PDE5A: variants seen among roughly 807,000 people sequenced by gnomAD.
The protein encoded by PDE5A is phosphodiesterase 5A.
PDE5A carries 67 observed loss-of-function variants against 110.2 expected under a neutral mutation model. The ratio of observed to expected loss-of-function variants is 0.61; its 90% CI spans 0.50 to 0.75. The LOEUF is 0.75. PDE5A is among the 30% of genes least tolerant of loss of function. The pLI, the probability that PDE5A is intolerant of heterozygous loss-of-function variation, is 0.00. For synonymous variants in PDE5A, 328 were observed against 351.2 expected, an observed-to-expected ratio of 0.93 and a Z score of 0.74; for missense variants, 862 against 1,045.1, an observed-to-expected ratio of 0.82 and a Z score of 2.42.
chr4:119,521,163 G>T lies in PDE5A; in HGVS notation c.1780-103C>A, dbSNP rs553065742. 5 of 1,145,412 alleles carry T rather than the reference G, an allele frequency of 4.4e-6. No homozygotes were observed. The African/African-American group carries it at 6.3e-5, about 14-fold the overall frequency. The allele number at this position is 1,145,412 out of a possible 1,614,324, so 71.0% of individuals were successfully genotyped here. The stretch of plus-strand genomic sequence containing the variant: ...GCATTCACATTTAGCCTGATACTCC[G>T]ATTTGGATCATCTTACAGACAAGAA... On this transcript the variant is annotated intron_variant, in intron 12 of 20. Transcript: ENST00000354960.
chr4:119,544,214 T>C (rs1312542951), intron 9 of PDE5A, among the ~76,000 whole-genome samples: 2 of 152,346 alleles, frequency 1.3e-5, no homozygotes, highest in African/African-American at 4.8e-5. Context: ...CTATAAATGA[T>C]CTGGACTCTC....
At chr4:119,526,746 AC>A (rs1200799101) in intron 11 of PDE5A, among the ~76,000 whole-genome samples, 4 of 152,158 alleles carry the variant, frequency 2.6e-5, no homozygotes, top group Non-Finnish European at 4.4e-5. Flanking sequence ...AGGCACTTGC[AC>A]ATTCTCCTTT....
intron 3 of PDE5A, among the ~76,000 whole-genome samples, chr4:119,594,987 G>A (rs1349419944): frequency 3.3e-5 from 5 of 152,108 alleles, no homozygotes; most frequent in Non-Finnish European, 7.4e-5. Context: ...TGTGTTTTAG[G>A]CAAATTTCCA....
chr4:119,505,801 G>T, intron 17 of PDE5A, 54 bp downstream of exon 17: 1 of 1,028,762 alleles, frequency 9.7e-7, no homozygotes, highest in South Asian at 1.5e-5. Context: ...AAAAAATAGT[G>T]AGAAAATTAA....
At chr4:119,554,274 CTT>C (rs1402223150) in intron 7 of PDE5A, among the ~76,000 whole-genome samples, 7 of 152,124 alleles carry the variant, frequency 4.6e-5, no homozygotes, top group Non-Finnish European at 1.0e-4. Flanking sequence ...TCCTTAGCAT[CTT>C]TCCCTTTGTT....
intron 20 of PDE5A, chr4:119,499,800 A>C (rs1364597951): frequency 6.6e-6 from 1 of 152,098 alleles, no homozygotes; most frequent in Non-Finnish European, 1.5e-5. Context: ...CAAGTGATCA[A>C]CCTGCCTCTG....
chr4:119,542,132 G>A (rs1417011985), intron 10 of PDE5A: 1 of 202,996 alleles, frequency 4.9e-6, no homozygotes, highest in African/African-American at 2.3e-5. Context: ...TCAGGCAATG[G>A]GAAAGAGACA....
chr4:119,515,401 A>G (rs1420081681), intron 14 of PDE5A, among the ~76,000 whole-genome samples: 1 of 152,192 alleles, frequency 6.6e-6, no homozygotes, highest in Non-Finnish European at 1.5e-5. Context: ...AAGTTCTCCC[A>G]GGACAAATAT....
chr4:119,549,424 C>T lies in PDE5A; in HGVS notation c.1396+3126G>A, dbSNP rs543594978. On this transcript the variant is annotated intron_variant, in intron 9 of 20. Transcript: ENST00000354960. ...ACATGAGAAGGGATTAAGATAGTAACCAGTTGACAAATACATATTTCTTTC... is the reference window on the plus strand; with the variant it reads ...ACATGAGAAGGGATTAAGATAGTAATCAGTTGACAAATACATATTTCTTTC... 2.0e-5 allele frequency: 3 copies of T among 152,292 alleles called. No homozygotes were observed. The South Asian group carries it at 6.2e-4, about 32-fold the overall frequency. The allele number at this position is 152,292 out of a possible 1,614,324, so 9.4% of individuals were successfully genotyped here.
Position 119,498,525 on chromosome 4 carries a change from G to T in PDE5A, c.*76C>A. ...ATATACCAAATACAGACACTATACA[G>T]ACAGTGTGTAAGAAACTAGGCATAT... On this transcript the variant is annotated 3_prime_UTR_variant, in exon 21 of 21. Transcript: ENST00000354960. The T allele has an allele frequency of 6.7e-7, 1 of 1,500,262 alleles. No individual in the cohort carries two copies. The highest frequency in any genetic ancestry group is 9.2e-7 in the Non-Finnish European group (1 of 1,083,168). The allele number at this position is 1,500,262 out of a possible 1,614,324, so 92.9% of individuals were successfully genotyped here.
rs140793774 is a variant in PDE5A at position 119,511,390 on chromosome 4, T to C, written c.2001-256A>G. Among the ~76,000 whole-genome samples the C allele has an allele frequency of 4.6e-3, 696 of 152,172 alleles. 5 individuals carry two copies. The highest frequency in any genetic ancestry group is 0.017 in the Middle Eastern group (5 of 294). On this transcript the variant is annotated intron_variant, in intron 14 of 20. Transcript: ENST00000354960. Reference sequence around the variant, plus strand: ...ACAATTTCATTGGTTTTAATACTGATTAAAATAGAAGTAAGGAGTAAAGAC... The same window carrying C: ...ACAATTTCATTGGTTTTAATACTGACTAAAATAGAAGTAAGGAGTAAAGAC...
intron 3 of PDE5A, among the ~76,000 whole-genome samples, chr4:119,567,686 A>C (rs1426878175): frequency 2.6e-5 from 4 of 152,158 alleles, no homozygotes; most frequent in Non-Finnish European, 5.9e-5. Context: ...GCCCTTGAAA[A>C]TTATTTTACC....
At chr4:119,597,380 A>G (rs1578812292) in intron 2 of PDE5A, among the ~76,000 whole-genome samples, 1 of 151,954 alleles carries the variant, frequency 6.6e-6, no homozygotes, top group Admixed American at 6.6e-5. Context: ...CGTTAAATCA[A>G]TGAAGGAATT....
In PDE5A at chr4:119,628,551, T is replaced by A. The variant is rs775709114; in HGVS notation, c.121A>T (p.Thr41Ser). The change falls in exon 1 of 21, where the codon ACC (threonine) becomes TCC (serine). Residue 41 changes from threonine to serine, a missense_variant. Thr to Ser is a moderately conservative substitution (Grantham distance 58). Coordinates refer to ENST00000354960, the MANE Select transcript of PDE5A (RefSeq NM_001083.4). ...EAWLDDHWDF[T>S]FSYFVRKATR... ...GCTTTTCTAACAAAGTATGAGAAGG[T>A]AAAGTCCCAGTGATCGTCCAGCCAT... 3.1e-5 allele frequency: 50 copies of A among 1,601,126 alleles called. No individual in the cohort carries two copies. The highest frequency in any genetic ancestry group is 4.0e-5 in the African/African-American group (3 of 74,656).
At chr4:119,557,443 T>C (rs1217524902) in intron 7 of PDE5A, among the ~76,000 whole-genome samples, 2 of 152,182 alleles carry the variant, frequency 1.3e-5, no homozygotes, top group East Asian at 3.9e-4. Flanking sequence ...CTAAGGCTTT[T>C]TGTACAATGT....
chr4:119,503,333 C>T (rs1234193966), intron 18 of PDE5A, among the ~76,000 whole-genome samples: 1 of 152,132 alleles, frequency 6.6e-6, no homozygotes, highest in African/African-American at 2.4e-5. Context: ...ATCACTTTTT[C>T]TGAGCCTGTA....
At chr4:119,540,741 T>A (rs1158543912) in intron 10 of PDE5A, among the ~76,000 whole-genome samples, 1 of 152,216 alleles carries the variant, frequency 6.6e-6, no homozygotes, top group African/African-American at 2.4e-5. Context: ...ATTATTTTAT[T>A]GTTATTAGAA....
chr4:119,510,465 C>T (rs1340705118), intron 15 of PDE5A, among the ~76,000 whole-genome samples: 2 of 151,738 alleles, frequency 1.3e-5, no homozygotes, highest in Non-Finnish European at 1.5e-5. Context: ...AACAACCATC[C>T]CCCCCAAACA....
chr4:119,628,411 C>T lies in PDE5A; in HGVS notation c.152+109G>A. ...TTGAGGTTTCTACCTCGTAACAGGA[C>T]CGAGGACCTACTTCAAAAGCAAAGG... On this transcript the variant is annotated intron_variant, in intron 1 of 20. Transcript: ENST00000354960. The T allele has an allele frequency of 3.5e-6, 3 of 863,114 alleles. No homozygotes were observed. In the South Asian group the frequency reaches 5.4e-5, roughly 16 times the overall value. 53.5% of individuals were successfully genotyped at this position (863,114 alleles called of 1,614,324 possible).
Sources: allele counts gnomAD v4.1 joint callset (sites outside exome capture counted in the v4.1 genomes callset), GRCh38; gene constraint gnomAD v4.1.1; transcripts MANE v1.5; gene names NCBI Gene and HGNC (gene_info 2026-07-23, HGNC 2026-07-21).